ERC1: variants seen among roughly 807,000 people sequenced by gnomAD.
ERC1 encodes RAB6 interacting protein 2.
Under a neutral mutation model 132.0 loss-of-function variants are expected in ERC1, and 56 were observed. The observed-to-expected ratio is 0.42, with a 90% CI of 0.34 to 0.53. The LOEUF (loss-of-function observed/expected upper bound fraction) is 0.53. Among genes scored for constraint, ERC1 ranks in the 20% least tolerant of loss-of-function variants. ERC1 has a pLI of 0.03. For missense variants in ERC1, 1,202 were observed against 1,349.9 expected, an observed-to-expected ratio of 0.89 and a Z score of 1.72; for synonymous variants, 478 against 476.1, an observed-to-expected ratio of 1.00 and a Z score of -0.05.
intron 15 of ERC1, among the ~76,000 whole-genome samples, chr12:1,312,853 T>A (rs1384742974): frequency 6.6e-6 from 1 of 152,130 alleles, no homozygotes; most frequent in Non-Finnish European, 1.5e-5. Flanking sequence ...CCCTTCTGTC[T>A]CTCCTGCAGC....
At chr12:1,224,369 T>C (rs2074391191) in intron 12 of ERC1, among the ~76,000 whole-genome samples, 1 of 152,204 alleles carries the variant, frequency 6.6e-6, no homozygotes, top group Admixed American at 6.5e-5. Context: ...CTATCATAGA[T>C]AAAACCATTT....
At chr12:1,478,188 G>A (rs1444962516) in intron 18 of ERC1, among the ~76,000 whole-genome samples, 1 of 152,164 alleles carries the variant, frequency 6.6e-6, no homozygotes, top group Non-Finnish European at 1.5e-5. Context: ...GAGGCCAAGT[G>A]GTTCCACGTC....
rs545583998 is a variant in ERC1 at position 1,433,786 on chromosome 12, A to G, written c.3025-10776A>G. ...GCTGAAGCCCACAAGGCAACTGAGT[A>G]TGGAGAATTCCTCAAAATTGTATGT... On this transcript the variant is annotated intron_variant, in intron 17 of 18. Transcript: ENST00000360905. Among the ~76,000 whole-genome samples, 9 of 152,346 alleles carry G rather than the reference A, an allele frequency of 5.9e-5. No homozygotes were observed. In the South Asian group the frequency reaches 1.7e-3, roughly 28 times the overall value.
intron 1 of ERC1, among the ~76,000 whole-genome samples, chr12:1,002,859 CTTA>C (rs1962671740): frequency 6.6e-6 from 1 of 150,812 alleles, no homozygotes; most frequent in Admixed American, 6.6e-5. Context: ...TCTTTTTTTT[CTTA>C]TTATAGGAGT....
At chr12:1,421,998 C>T (rs1475872684) in intron 17 of ERC1, among the ~76,000 whole-genome samples, 3 of 152,172 alleles carry the variant, frequency 2.0e-5, no homozygotes, top group South Asian at 2.1e-4. Flanking sequence ...TGCACTCCAG[C>T]CTGGCAAAAT....
chr12:1,217,075 C>T (rs192377771), intron 12 of ERC1, among the ~76,000 whole-genome samples: 5 of 152,310 alleles, frequency 3.3e-5, no homozygotes, highest in South Asian at 2.1e-4. Flanking sequence ...GTGCTTTCCT[C>T]TGTCATTATG....
intron 4 of ERC1, among the ~76,000 whole-genome samples, chr12:1,106,425 C>G (rs1010752603): frequency 2.0e-5 from 3 of 152,074 alleles, no homozygotes; most frequent in African/African-American, 7.2e-5. Context: ...GTTGATATGA[C>G]AAGAATATTT....
At chr12:1,231,671 CT>C (rs35230333) in intron 12 of ERC1, among the ~76,000 whole-genome samples, 37,856 of 146,756 alleles carry the variant, frequency 0.26, 5,572 homozygotes, top group Non-Finnish European at 0.35. Context: ...TGAAGAACAA[CT>C]TTTTTTTTTT....
At chr12:1,091,141 G>A (rs1293055207) in intron 3 of ERC1, among the ~76,000 whole-genome samples, 2 of 152,056 alleles carry the variant, frequency 1.3e-5, no homozygotes, top group Non-Finnish European at 2.9e-5. Context: ...TGCCTGACTC[G>A]GCCTCCCAGA....
chr12:994,561 C>G (rs1960395364), intron 1 of ERC1, among the ~76,000 whole-genome samples: 1 of 152,168 alleles, frequency 6.6e-6, no homozygotes, highest in Non-Finnish European at 1.5e-5. Context: ...ACCTCTTAAG[C>G]TGGTCAAATG....
chr12:1,433,200 A>T (rs2092849550), intron 17 of ERC1, among the ~76,000 whole-genome samples: 1 of 152,214 alleles, frequency 6.6e-6, no homozygotes, highest in Non-Finnish European at 1.5e-5. Flanking sequence ...CTAATTAAAA[A>T]ATTTCCTGAG....
intron 13 of ERC1, among the ~76,000 whole-genome samples, chr12:1,251,031 A>C (rs1435899433): frequency 6.6e-6 from 1 of 152,170 alleles, no homozygotes; most frequent in Non-Finnish European, 1.5e-5. Flanking sequence ...CTCTTCTTAG[A>C]TATATAGTCA....
At chr12:1,448,417 C>G (rs1380374454) in intron 18 of ERC1, among the ~76,000 whole-genome samples, 2 of 152,146 alleles carry the variant, frequency 1.3e-5, no homozygotes, top group Non-Finnish European at 1.5e-5. Flanking sequence ...CTTCCTTACC[C>G]CAAGTAAGAA....
At chr12:1,234,859 ATAT>A (rs1345405867) in intron 12 of ERC1, among the ~76,000 whole-genome samples, 2 of 152,174 alleles carry the variant, frequency 1.3e-5, no homozygotes, top group Non-Finnish European at 2.9e-5. Flanking sequence ...AAAAAATGAA[ATAT>A]TATTATGTTA....
intron 12 of ERC1, among the ~76,000 whole-genome samples, chr12:1,190,580 A>T (rs1016519801): frequency 6.6e-6 from 1 of 152,172 alleles, no homozygotes; most frequent in Non-Finnish European, 1.5e-5. Flanking sequence ...AGCCACGGAT[A>T]TGTTTTTTTA....
chr12:1,209,726 G>A (rs1340690654), intron 12 of ERC1, among the ~76,000 whole-genome samples: 2 of 152,150 alleles, frequency 1.3e-5, no homozygotes, highest in African/African-American at 4.8e-5. Flanking sequence ...CTTTCGAAAA[G>A]CTCCCAGTTG....
intron 16 of ERC1, among the ~76,000 whole-genome samples, chr12:1,406,600 G>A (rs2154393978): frequency 6.6e-6 from 1 of 152,210 alleles, no homozygotes; most frequent in South Asian, 2.1e-4. Context: ...AATTATAGAT[G>A]ATTTTTCTTT....
intron 14 of ERC1, among the ~76,000 whole-genome samples, chr12:1,287,206 A>G (rs2079095226): frequency 6.6e-6 from 1 of 152,226 alleles, no homozygotes; most frequent in Non-Finnish European, 1.5e-5. Flanking sequence ...CATATGGGGA[A>G]AAATGAAATC....
At position 1,368,901 on chromosome 12, in the gene ERC1, C is replaced by A. The variant is rs145004073; in HGVS notation, c.2781-2932C>A. 4.0e-4 allele frequency among the ~76,000 whole-genome samples: 61 copies of A among 152,248 alleles called. 1 individual carries two copies. The East Asian group carries it at 0.01, about 26-fold the overall frequency. On this transcript the variant is annotated intron_variant, in intron 15 of 18. Transcript: ENST00000360905. ...TTGACTATGAATTGCCCTTCTTAGG[C>A]ACCTATACATGTAGAAATCAGTGTC...
Sources: gnomAD v4.1 joint callset for allele counts (sites outside exome capture counted in the v4.1 genomes callset) on GRCh38, gnomAD v4.1.1 for gene constraint, MANE v1.5 for transcripts, NCBI Gene and HGNC (gene_info 2026-07-23, HGNC 2026-07-21) for gene names.